Variants in CEP112 observed in about 807,000 individuals in gnomAD.
CEP112 encodes the protein centrosomal protein 112.
In CEP112, 127 loss-of-function variants were observed where a neutral mutation model predicts 153.0. That is an observed-to-expected ratio of 0.83 (90% CI 0.72 to 0.96). CEP112 has a LOEUF of 0.96. Among genes scored for constraint, CEP112 ranks in the 40% least tolerant of loss-of-function variants. The probability of loss-of-function intolerance (pLI) is 0.00; values close to 1 mark genes in which losing one functional copy is unlikely to be tolerated. For missense variants in CEP112, 1,089 were observed against 1,101.2 expected (o/e 0.99, Z 0.16); for synonymous variants, 358 against 374.4 (o/e 0.96, Z 0.51).
At chr17:65,937,525 G>A (rs1244161952) in intron 18 of CEP112, among the ~76,000 whole-genome samples, 2 of 139,836 alleles carry the variant, frequency 1.4e-5, no homozygotes, top group South Asian at 2.7e-4. Flanking sequence ...GAGAAGTGAG[G>A]AGCCCCTCTG....
intron 12 of CEP112, among the ~76,000 whole-genome samples, chr17:66,048,084 T>C (rs893880883): frequency 2.0e-5 from 3 of 149,264 alleles, no homozygotes; most frequent in African/African-American, 4.9e-5. Context: ...ATTATTTCTA[T>C]TGTTGTATCA....
At chr17:66,115,431 C>T (rs1424417384) in intron 6 of CEP112, among the ~76,000 whole-genome samples, 1 of 152,236 alleles carries the variant, frequency 6.6e-6, no homozygotes, top group Non-Finnish European at 1.5e-5. Context: ...GCAACTTGGG[C>T]AGCTCATCTA....
intron 22 of CEP112, 61 bp downstream of exon 22, chr17:65,750,601 A>G (rs2051766872): frequency 7.2e-7 from 1 of 1,397,468 alleles, no homozygotes; most frequent in African/African-American, 1.4e-5. Context: ...CAAGGCTTTT[A>G]TGTGGAGGTT....
intron 20 of CEP112, among the ~76,000 whole-genome samples, chr17:65,875,678 G>A (rs1248992213): frequency 1.3e-5 from 2 of 151,990 alleles, no homozygotes. Context: ...CAGAAATTAT[G>A]TAGCATCTTT....
At chr17:66,045,553 G>A (rs991874982) in intron 12 of CEP112, among the ~76,000 whole-genome samples, 2 of 152,118 alleles carry the variant, frequency 1.3e-5, no homozygotes, top group Non-Finnish European at 2.9e-5. Context: ...CTCAATCCAT[G>A]TGAAATCAAG....
chr17:65,720,718 T>C (rs2049822164), intron 23 of CEP112, among the ~76,000 whole-genome samples: 1 of 152,234 alleles, frequency 6.6e-6, no homozygotes, highest in East Asian at 1.9e-4. Context: ...TCTCAACACT[T>C]ATTGAATAGG....
intron 20 of CEP112, among the ~76,000 whole-genome samples, chr17:65,866,366 G>A (rs943882607): frequency 3.9e-5 from 6 of 152,252 alleles, no homozygotes; most frequent in Admixed American, 1.3e-4. Context: ...AGGCCAAGGC[G>A]GGGCTGAGGG....
chr17:66,131,634 G>C (rs1052038627), intron 5 of CEP112, among the ~76,000 whole-genome samples: 2 of 152,118 alleles, frequency 1.3e-5, no homozygotes, highest in East Asian at 3.9e-4. Context: ...CCAGCTACTC[G>C]GGAGGCTGAG....
chr17:65,840,746 T>G (rs1320301277), intron 21 of CEP112, among the ~76,000 whole-genome samples: 1 of 152,046 alleles, frequency 6.6e-6, no homozygotes, highest in Non-Finnish European at 1.5e-5. Flanking sequence ...GAGAACATAT[T>G]GGCAAACTAT....
At chr17:65,891,005 CAG>C (rs2059443358) in intron 20 of CEP112, among the ~76,000 whole-genome samples, 1 of 152,170 alleles carries the variant, frequency 6.6e-6, no homozygotes, top group Non-Finnish European at 1.5e-5. Context: ...CCATTTATGA[CAG>C]ATGCACAATG....
At chr17:65,696,392 G>T (rs115762686) in intron 23 of CEP112, among the ~76,000 whole-genome samples, 1,765 of 152,306 alleles carry the variant, frequency 0.012, 19 homozygotes, top group African/African-American at 0.02. Context: ...CCTTTGGGAA[G>T]TGGGAACCTT....
At position 66,028,244 on chromosome 17, in the gene CEP112, CAAT is replaced by C. The variant is rs1168083476; in HGVS notation, c.1596+66_1596+68del. On this transcript the variant is annotated intron_variant, in intron 15 of 26. Transcript: ENST00000535342. Reference sequence around the variant, plus strand: ...GAGTTTTATTTTTTTAATTGACTCTCAATGATACATCTGAATCAAGAAAACTGT... The same window carrying C: ...GAGTTTTATTTTTTTAATTGACTCTCGATACATCTGAATCAAGAAAACTGT... 13 of 904,146 alleles carry C rather than the reference CAAT, an allele frequency of 1.4e-5. No homozygotes were observed. The Admixed American group carries it at 2.4e-4, about 16-fold the overall frequency. The allele number at this position is 904,146 out of a possible 1,614,324, so 56.0% of individuals were successfully genotyped here.
At chr17:66,105,840 T>G (rs984542825) in intron 6 of CEP112, among the ~76,000 whole-genome samples, 1 of 152,164 alleles carries the variant, frequency 6.6e-6, no homozygotes, top group East Asian at 1.9e-4. Context: ...ATCCAAAGGA[T>G]GTAAACATTC....
intron 17 of CEP112, among the ~76,000 whole-genome samples, chr17:65,962,438 G>A (rs1461583942): frequency 1.3e-5 from 2 of 152,066 alleles, no homozygotes; most frequent in East Asian, 3.9e-4. Flanking sequence ...TCATACCTTA[G>A]GCGGAAACTA....
chr17:66,082,659 A>G (rs2067766043), intron 8 of CEP112, among the ~76,000 whole-genome samples: 3 of 152,140 alleles, frequency 2.0e-5, no homozygotes, highest in African/African-American at 7.2e-5. Flanking sequence ...GCTACTTGGG[A>G]GGCTGAGGAA....
At chr17:65,722,066 G>A (rs567166482) in intron 23 of CEP112, among the ~76,000 whole-genome samples, 3 of 152,242 alleles carry the variant, frequency 2.0e-5, no homozygotes, top group East Asian at 1.9e-4. Flanking sequence ...ATTTTCTTGC[G>A]CATTTGACTA....
chr17:66,062,052 G>A (rs139655525), intron 11 of CEP112, among the ~76,000 whole-genome samples: 43 of 152,184 alleles, frequency 2.8e-4, no homozygotes, highest in African/African-American at 7.2e-4. Flanking sequence ...TCTCCTTGCC[G>A]CCTTGTGAAG....
At chr17:66,109,397 C>T (rs940164105) in intron 6 of CEP112, among the ~76,000 whole-genome samples, 1 of 151,898 alleles carries the variant, frequency 6.6e-6, no homozygotes, top group Non-Finnish European at 1.5e-5. Flanking sequence ...AATATACATA[C>T]CTACTATGCT....
At chr17:65,785,231 T>C (rs1445110727) in intron 21 of CEP112, among the ~76,000 whole-genome samples, 3 of 152,186 alleles carry the variant, frequency 2.0e-5, no homozygotes, top group Non-Finnish European at 4.4e-5. Context: ...CAGTCAAACA[T>C]TTGAGTTTTT....
Sources: gnomAD v4.1 joint callset for allele counts (sites outside exome capture counted in the v4.1 genomes callset) on GRCh38, gnomAD v4.1.1 for gene constraint, MANE v1.5 for transcripts, NCBI Gene and HGNC (gene_info 2026-07-23, HGNC 2026-07-21) for gene names.